Variants in SNX9 observed in about 807,000 individuals in gnomAD.
SNX9 encodes sorting nexin-9.
Under a neutral mutation model 89.4 loss-of-function variants are expected in SNX9, and 44 were observed. The observed-to-expected ratio is 0.49, with a 90% CI of 0.39 to 0.63. The LOEUF is 0.63. Among genes scored for constraint, SNX9 ranks in the 30% least tolerant of loss-of-function variants. SNX9 has a pLI of 0.00. For synonymous variants in SNX9, 236 were observed against 247.8 expected, an observed-to-expected ratio of 0.95 and a Z score of 0.45; for missense variants, 578 against 736.1, an observed-to-expected ratio of 0.79 and a Z score of 2.49.
intron 7 of SNX9, among the ~76,000 whole-genome samples, chr6:157,906,431 T>C (rs1268767724): frequency 6.6e-6 from 1 of 152,248 alleles, no homozygotes; most frequent in East Asian, 1.9e-4. Context: ...TTTCAGACTT[T>C]TAGTATTGAA....
In SNX9 at chr6:157,935,978, A is replaced by C. The variant is rs200966585; in HGVS notation, c.1381A>C (p.Asn461His). The part of the protein sequence containing the change: ...SSGYQGETDL[N>H]DAITEAGKTY... The stretch of plus-strand genomic sequence containing the variant: ...ATCATTTTCAGGTGAAACAGATCTC[A>C]ATGATGCAATAACAGAAGCAGGAAA... The change falls in exon 14 of 18, where the codon AAT (asparagine) becomes CAT (histidine). Residue 461 changes from asparagine to histidine, a missense_variant. Around this residue, in one of 2 missense-constraint regions of SNX9, gnomAD observed 348 missense variants for 491.4 expected, o/e 0.71. Coordinates refer to ENST00000392185, the MANE Select transcript of SNX9 (RefSeq NM_016224.5). 65 of 1,612,304 alleles carry C rather than the reference A, an allele frequency of 4.0e-5. No individual in the cohort carries two copies. Among genetic ancestry groups the C allele is most frequent in the Non-Finnish European group, 5.3e-5 (63 of 1,179,026 alleles).
At chr6:157,873,210 C>G in intron 3 of SNX9, 34 bp downstream of exon 3, 2 of 1,480,764 alleles carry the variant, frequency 1.4e-6, no homozygotes, top group Non-Finnish European at 1.8e-6. Context: ...CATTAGAGCT[C>G]ATCTTTGCCA....
chr6:157,910,904 G>A (rs147950208), intron 9 of SNX9, among the ~76,000 whole-genome samples: 2,554 of 152,204 alleles, frequency 0.017, 47 homozygotes, highest in African/African-American at 0.043. Flanking sequence ...GGCGGATCAC[G>A]AGGTCAGGAG....
At chr6:157,925,270 A>ATCACT in intron 10 of SNX9, among the ~76,000 whole-genome samples, 1 of 152,282 alleles carries the variant, frequency 6.6e-6, no homozygotes, top group African/African-American at 2.4e-5. Context: ...CTCATTAGCA[A>ATCACT]TCAATAAATA....
At chr6:157,890,592 C>G (rs183620360) in intron 4 of SNX9, among the ~76,000 whole-genome samples, 1 of 152,058 alleles carries the variant, frequency 6.6e-6, no homozygotes, top group Non-Finnish European at 1.5e-5. Context: ...TAGATTTAAG[C>G]GTGTCCCAGA....
intron 1 of SNX9, among the ~76,000 whole-genome samples, chr6:157,831,173 A>G (rs1781471640): frequency 1.3e-5 from 2 of 152,222 alleles, no homozygotes; most frequent in South Asian, 4.1e-4. Flanking sequence ...GTTTCTGCAC[A>G]TTCTCACTCA....
chr6:157,871,216 C>CA (rs1224555003), intron 2 of SNX9, among the ~76,000 whole-genome samples: 7 of 151,952 alleles, frequency 4.6e-5, no homozygotes, highest in African/African-American at 1.7e-4. Flanking sequence ...CTCATCTCTA[C>CA]AAAAAATACA....
intron 16 of SNX9, among the ~76,000 whole-genome samples, chr6:157,939,918 G>A (rs758347659): frequency 9.9e-5 from 15 of 152,070 alleles, no homozygotes; most frequent in Non-Finnish European, 2.1e-4. Context: ...TCCGAGGGAG[G>A]CAATGAGGTC....
At chr6:157,824,548 G>A (rs1781305550) in intron 1 of SNX9, among the ~76,000 whole-genome samples, 1 of 152,062 alleles carries the variant, frequency 6.6e-6, no homozygotes, top group African/African-American at 2.4e-5. Context: ...CTTTTTTTGT[G>A]GAGTGTTAAG....
intron 5 of SNX9, 92 bp downstream of exon 5, chr6:157,897,090 C>T (rs755542608): frequency 6.4e-5 from 79 of 1,230,686 alleles, no homozygotes; most frequent in Non-Finnish European, 8.6e-5. Flanking sequence ...TTCCCACACT[C>T]AGCACAACAC....
chr6:157,927,363 A>G lies in SNX9; in HGVS notation c.1184+149A>G. On this transcript the variant is annotated intron_variant, in intron 11 of 17. Transcript: ENST00000392185. ...GATTTGTAGTCCAATGACAAGGGAA[A>G]CATCATTTGTACATAGAAGTACTGT... 4.9e-6 allele frequency: 3 copies of G among 609,434 alleles called. No individual in the cohort carries two copies. The South Asian group carries it at 5.9e-5, about 12-fold the overall frequency. The allele number at this position is 609,434 out of a possible 1,614,324, so 37.8% of individuals were successfully genotyped here. A position where few individuals can be genotyped will look rare whatever the true frequency, so the allele number is the denominator to read the frequency against.
intron 1 of SNX9, among the ~76,000 whole-genome samples, chr6:157,839,895 T>G (rs889054706): frequency 6.6e-6 from 1 of 152,212 alleles, no homozygotes; most frequent in African/African-American, 2.4e-5. Flanking sequence ...CGTGAATCTC[T>G]GCAAAGCTCA....
At chr6:157,929,296 C>G (rs1358676266) in intron 12 of SNX9, among the ~76,000 whole-genome samples, 3 of 152,224 alleles carry the variant, frequency 2.0e-5, no homozygotes, top group Non-Finnish European at 2.9e-5. Context: ...TGTCACCACA[C>G]ATGTGGCCCA....
At chr6:157,867,150 G>A (rs1029215547) in intron 1 of SNX9, among the ~76,000 whole-genome samples, 4 of 151,948 alleles carry the variant, frequency 2.6e-5, no homozygotes, top group East Asian at 1.9e-4. Flanking sequence ...ATGGAATCTC[G>A]CTTTGTTGCT....
At chr6:157,855,690 G>GA (rs1781996480) in intron 1 of SNX9, among the ~76,000 whole-genome samples, 1 of 152,172 alleles carries the variant, frequency 6.6e-6, no homozygotes, top group African/African-American at 2.4e-5. Flanking sequence ...TCTTTAGTCT[G>GA]TGTTATGAAT....
At chr6:157,835,845 C>G (rs1781572077) in intron 1 of SNX9, among the ~76,000 whole-genome samples, 1 of 152,158 alleles carries the variant, frequency 6.6e-6, no homozygotes, top group Non-Finnish European at 1.5e-5. Context: ...TATAAATTAC[C>G]CAGTCTTGGG....
In SNX9 at chr6:157,899,734, A is replaced by C. The variant is rs1783054890; in HGVS notation, c.473-2164A>C. 1.3e-5 allele frequency among the ~76,000 whole-genome samples: 2 copies of C among 152,178 alleles called. 1 individual carries two copies. Among genetic ancestry groups the C allele is most frequent in the South Asian group, 4.1e-4 (2 of 4,824 alleles). ...GCTTGCAGGGAGCCAAGATTGCGCC[A>C]CTGCACTCCAGCCTGGCCAACAAAG... On this transcript the variant is annotated intron_variant, in intron 5 of 17. Coordinates refer to ENST00000392185, the MANE Select transcript of SNX9 (RefSeq NM_016224.5).
At chr6:157,932,324 G>GT in intron 13 of SNX9, 52 bp downstream of exon 13, 7 of 1,513,552 alleles carry the variant, frequency 4.6e-6, no homozygotes, top group Non-Finnish European at 6.4e-6. Context: ...ATGTAGACCT[G>GT]TCACCTGCTT....
chr6:157,864,633 G>A (rs1782215167), intron 1 of SNX9, among the ~76,000 whole-genome samples: 1 of 152,162 alleles, frequency 6.6e-6, no homozygotes, highest in Non-Finnish European at 1.5e-5. Context: ...GCTTCTCCCA[G>A]GCTCCACTCT....
Sources: gnomAD v4.1 joint callset for allele counts (sites outside exome capture counted in the v4.1 genomes callset) on GRCh38, gnomAD v4.1.1 for gene constraint, gnomAD v4.1.1 regional missense constraint, MANE v1.5 for transcripts, NCBI Gene and HGNC (gene_info 2026-07-23, HGNC 2026-07-21) for gene names.